IPCEF1: variants seen among roughly 807,000 people sequenced by gnomAD.
IPCEF1 encodes interaction protein for cytohesin exchange factors 1, also known as interactor protein for cytohesin exchange factors 1.
In IPCEF1, 31 loss-of-function variants were observed where a neutral mutation model predicts 50.9. The observed-to-expected ratio is 0.61, with a 90% CI of 0.46 to 0.82. The LOEUF is 0.82. Ranked by LOEUF, IPCEF1 falls within the 40% of genes least tolerant of loss-of-function variation. The pLI is 0.00. For missense variants in IPCEF1, 458 were observed against 514.0 expected (o/e 0.89, Z 1.05); for synonymous variants, 181 against 192.0 (o/e 0.94, Z 0.47).
intron 10 of IPCEF1, among the ~76,000 whole-genome samples, chr6:154,196,056 C>T (rs898200335): frequency 6.6e-6 from 1 of 152,162 alleles, no homozygotes; most frequent in Non-Finnish European, 1.5e-5. Context: ...TCACAAAGTG[C>T]TGGGATTACA....
Position 154,212,904 on chromosome 6 carries a change from T to C in IPCEF1, c.452-49A>G, listed in dbSNP as rs573591309. 3.2e-6 allele frequency: 4 copies of C among 1,254,254 alleles called. No individual in the cohort carries two copies. In the South Asian group the frequency reaches 4.9e-5, roughly 15 times the overall value. 77.7% of individuals were successfully genotyped at this position (1,254,254 alleles called of 1,614,324 possible). ...AATGTTTTAACGCTGTCATCGCTTA[T>C]TCCATAATGCATGAGCAGAGGTTTA... On this transcript the variant is annotated intron_variant, in intron 8 of 11. Coordinates refer to ENST00000367220, the MANE Select transcript of IPCEF1 (RefSeq NM_001130700.2).
At chr6:154,182,180 A>G (rs1800943599) in intron 10 of IPCEF1, among the ~76,000 whole-genome samples, 2 of 152,230 alleles carry the variant, frequency 1.3e-5, no homozygotes, top group Non-Finnish European at 2.9e-5. Flanking sequence ...TCATGAATCT[A>G]AGACAAGAGT....
At chr6:154,162,751 T>C (rs1421519565) in intron 11 of IPCEF1, among the ~76,000 whole-genome samples, 1 of 152,206 alleles carries the variant, frequency 6.6e-6, no homozygotes, top group African/African-American at 2.4e-5. Flanking sequence ...CCCACTCTCC[T>C]ATGTGCTGAG....
chr6:154,208,302 C>G (rs1452986685), intron 9 of IPCEF1, among the ~76,000 whole-genome samples: 1 of 152,164 alleles, frequency 6.6e-6, no homozygotes, highest in East Asian at 1.9e-4. Flanking sequence ...CTCACTGTTC[C>G]CTTTGCTTGG....
chr6:154,199,281 T>C (rs990173514), intron 10 of IPCEF1, among the ~76,000 whole-genome samples: 3 of 152,252 alleles, frequency 2.0e-5, no homozygotes, highest in African/African-American at 7.2e-5. Flanking sequence ...TCTAAGCTCA[T>C]TTTGAACTAT....
At chr6:154,331,647 T>C (rs1366868771) in intron 1 of IPCEF1, among the ~76,000 whole-genome samples, 4 of 152,132 alleles carry the variant, frequency 2.6e-5, no homozygotes, top group Admixed American at 1.3e-4. Flanking sequence ...ATCCCAGGCA[T>C]TGGAGAGTAG....
chr6:154,222,214 C>A (rs1287025515), intron 6 of IPCEF1, among the ~76,000 whole-genome samples: 1 of 152,204 alleles, frequency 6.6e-6, no homozygotes, highest in Non-Finnish European at 1.5e-5. Context: ...ATGAGAAGGG[C>A]TTCCACTTTA....
In IPCEF1 at chr6:154,159,882, G is replaced by GGTGTCATCA. The variant is rs768737234; in HGVS notation, c.1254_1262dup (p.Asp419_Thr421dup). ...AAGGTGATTTCTTGAGTTCCTGGGG[G>GGTGTCATCA]GTGTCATCAGTGTCATCAGGGGCAG... On this transcript the variant is annotated inframe_insertion, in exon 12 of 12. Coordinates refer to ENST00000367220, the MANE Select transcript of IPCEF1 (RefSeq NM_001130700.2). 2.0e-5 allele frequency: 32 copies of GGTGTCATCA among 1,613,170 alleles called. No individual in the cohort carries two copies. The highest frequency in any genetic ancestry group is 2.7e-5 in the Non-Finnish European group (32 of 1,179,794).
At chr6:154,321,518 C>T (rs1436887698) in intron 1 of IPCEF1, among the ~76,000 whole-genome samples, 1 of 152,018 alleles carries the variant, frequency 6.6e-6, no homozygotes, top group Non-Finnish European at 1.5e-5. Context: ...TGGCTCACAT[C>T]TGTAATCCCA....
At chr6:154,173,194 A>T (rs1431268807) in intron 10 of IPCEF1, among the ~76,000 whole-genome samples, 1 of 152,238 alleles carries the variant, frequency 6.6e-6, no homozygotes, top group African/African-American at 2.4e-5. Flanking sequence ...AAGGTAGATA[A>T]AACCTCAAAA....
Position 154,209,754 on chromosome 6 carries a change from G to C in IPCEF1, c.537+3016C>G, listed in dbSNP as rs774297908. On this transcript the variant is annotated intron_variant, in intron 9 of 11. Transcript: ENST00000367220. ...CTTCCATGTCTGTTTTTCAGAAAGA[G>C]AAGAAAACAAAAACAAAATCTGTCT... Among the ~76,000 whole-genome samples the C allele has an allele frequency of 3.3e-5, 5 of 151,738 alleles. 1 individual carries two copies. Among genetic ancestry groups the C allele is most frequent in the Admixed American group, 2.0e-4 (3 of 15,246 alleles).
intron 5 of IPCEF1, among the ~76,000 whole-genome samples, chr6:154,230,042 G>A (rs1185961176): frequency 6.6e-6 from 1 of 152,184 alleles, no homozygotes; most frequent in African/African-American, 2.4e-5. Flanking sequence ...AAGCAGGACG[G>A]TGGTTGCCTG....
At chr6:154,197,642 C>T (rs557923246) in intron 10 of IPCEF1, among the ~76,000 whole-genome samples, 2 of 152,304 alleles carry the variant, frequency 1.3e-5, no homozygotes, top group East Asian at 3.9e-4. Context: ...GGTACCCAGC[C>T]AGGCTCTACA....
At chr6:154,312,346 A>G (rs1783098282) in intron 1 of IPCEF1, among the ~76,000 whole-genome samples, 1 of 151,988 alleles carries the variant, frequency 6.6e-6, no homozygotes, top group Non-Finnish European at 1.5e-5. Context: ...TTGGTCAAAG[A>G]ATCAAAACTT....
intron 7 of IPCEF1, among the ~76,000 whole-genome samples, chr6:154,218,590 C>T (rs1778604073): frequency 6.6e-6 from 1 of 152,164 alleles, no homozygotes; most frequent in Admixed American, 6.5e-5. Context: ...AAACCGGCTG[C>T]ATCAGTAAGA....
chr6:154,238,673 C>G (rs1013895200), intron 5 of IPCEF1, among the ~76,000 whole-genome samples: 1 of 152,042 alleles, frequency 6.6e-6, no homozygotes, highest in East Asian at 1.9e-4. Context: ...CCTATGAGCA[C>G]ATACTACTGT....
intron 1 of IPCEF1, among the ~76,000 whole-genome samples, chr6:154,338,215 G>A (rs1188978742): frequency 6.6e-6 from 1 of 152,200 alleles, no homozygotes; most frequent in Non-Finnish European, 1.5e-5. Context: ...TTGCACTTGG[G>A]TGGGTTGGGA....
chr6:154,316,880 T>A (rs140300592), intron 1 of IPCEF1, among the ~76,000 whole-genome samples: 269 of 152,312 alleles, frequency 1.8e-3, no homozygotes, highest in African/African-American at 5.8e-3. Flanking sequence ...AGATACAATT[T>A]TCTCAATTAA....
chr6:154,284,957 G>A (rs1021470142), intron 2 of IPCEF1, among the ~76,000 whole-genome samples: 6 of 152,074 alleles, frequency 3.9e-5, no homozygotes, highest in East Asian at 1.9e-4. Context: ...CCGAGATCAC[G>A]CCACTGCACT....
Sources: allele counts gnomAD v4.1 joint callset (sites outside exome capture counted in the v4.1 genomes callset), GRCh38; gene constraint gnomAD v4.1.1; transcripts MANE v1.5; gene names NCBI Gene and HGNC (gene_info 2026-07-23, HGNC 2026-07-21).